PTK2: variants seen among roughly 807,000 people sequenced by gnomAD.
PTK2 encodes the protein protein tyrosine kinase 2, also known as focal adhesion kinase 1.
PTK2 carries 45 observed loss-of-function variants against 150.1 expected under a neutral mutation model. That is an observed-to-expected ratio of 0.30 (90% CI 0.24 to 0.38). PTK2 has a LOEUF of 0.38. Among genes scored for constraint, PTK2 ranks in the 10% least tolerant of loss-of-function variants. The pLI, the probability that PTK2 is intolerant of heterozygous loss-of-function variation, is 1.00. For missense variants in PTK2, 919 were observed against 1,307.3 expected (o/e 0.70, Z 4.58); for synonymous variants, 432 against 449.2 (o/e 0.96, Z 0.48).
At chr8:140,674,160 G>A (rs773954324) in intron 29 of PTK2, 138 bp downstream of exon 32, 1 of 867,630 alleles carries the variant, frequency 1.2e-6, no homozygotes, top group Admixed American at 1.7e-5. Flanking sequence ...ATTGACTCCT[G>A]GGTCTCACTG....
chr8:140,908,964 C>T (rs1324677292), intron 2 of PTK2: 3 of 152,188 alleles, frequency 2.0e-5, no homozygotes, highest in African/African-American at 7.2e-5. Context: ...GCCTGTAATC[C>T]CAGCACTCTG....
At chr8:140,914,000 T>C (rs2100164216) in intron 2 of PTK2, among the ~76,000 whole-genome samples, 1 of 151,942 alleles carries the variant, frequency 6.6e-6, no homozygotes, top group African/African-American at 2.4e-5. Flanking sequence ...AAAGAAAAAA[T>C]TTACTAATCA....
intron 26 of PTK2, 102 bp downstream of exon 29, chr8:140,700,789 T>G: frequency 2.1e-6 from 3 of 1,454,406 alleles, no homozygotes; most frequent in South Asian, 2.7e-5. Context: ...GTTGTAAAAC[T>G]AACTCTCCTG....
intron 3 of PTK2, among the ~76,000 whole-genome samples, chr8:140,886,434 C>G (rs141260113): frequency 6.6e-6 from 1 of 152,170 alleles, no homozygotes; most frequent in African/African-American, 2.4e-5. Context: ...TAGAATGTAA[C>G]CAATCACAGG....
At chr8:140,793,407 T>C (rs752370047) in intron 12 of PTK2, 23 bp from the exon 13 acceptor site, 4 of 1,608,200 alleles carry the variant, frequency 2.5e-6, no homozygotes, top group South Asian at 1.1e-5. Flanking sequence ...AGAAAAGAGA[T>C]GCATAAGGCT....
chr8:140,910,916 C>T (rs191633156), intron 2 of PTK2, among the ~76,000 whole-genome samples: 1 of 152,130 alleles, frequency 6.6e-6, no homozygotes, highest in Non-Finnish European at 1.5e-5. Flanking sequence ...CTTGCTCTGT[C>T]GCCCAGGCTG....
At position 140,987,101 on chromosome 8, in the gene PTK2, T is replaced by C. The variant is rs572550005; in HGVS notation, c.-122+14024A>G. 2.4e-3 allele frequency among the ~76,000 whole-genome samples: 360 copies of C among 152,260 alleles called. 3 individuals carry two copies. The highest frequency in any genetic ancestry group is 8.4e-3 in the African/African-American group (351 of 41,546). On this transcript the variant is annotated intron_variant, in intron 1 of 31. Coordinates refer to ENST00000522684, the Ensembl canonical transcript of PTK2. Reference sequence around the variant, plus strand: ...CCAGCCATAACCTGGGAGAAAAATATAGTATGTATCTGATAAACAATTTAT... The same window carrying C: ...CCAGCCATAACCTGGGAGAAAAATACAGTATGTATCTGATAAACAATTTAT...
At chr8:140,703,762 G>A (rs2100032112) in intron 24 of PTK2, among the ~76,000 whole-genome samples, 1 of 152,158 alleles carries the variant, frequency 6.6e-6, no homozygotes, top group African/African-American at 2.4e-5. Context: ...CAAGGCAGAG[G>A]GAAAATAAGA....
Position 140,695,203 on chromosome 8 carries a change from C to G in PTK2, c.2499+5688G>C, listed in dbSNP as rs758251937. ...GACACCAATGCTATGATTCCTGTCCCGGATTCTTCCTTCCTCTTGACCTCC... is the reference window on the plus strand; with the variant it reads ...GACACCAATGCTATGATTCCTGTCCGGGATTCTTCCTTCCTCTTGACCTCC... On this transcript the variant is annotated intron_variant, in intron 26 of 31. Coordinates refer to ENST00000522684, the Ensembl canonical transcript of PTK2. Among the ~76,000 whole-genome samples, 5 of 152,126 alleles carry G rather than the reference C, an allele frequency of 3.3e-5. No individual in the cohort carries two copies. In the East Asian group the frequency reaches 9.6e-4, roughly 29 times the overall value.
chr8:140,742,196 A>G (rs1026265021), intron 20 of PTK2, among the ~76,000 whole-genome samples: 2 of 152,228 alleles, frequency 1.3e-5, no homozygotes, highest in Non-Finnish European at 2.9e-5. Context: ...TGGAGTTAGC[A>G]GCCTGCATAT....
chr8:140,951,785 G>A (rs1157147018), intron 1 of PTK2, among the ~76,000 whole-genome samples: 1 of 151,942 alleles, frequency 6.6e-6, no homozygotes, highest in African/African-American at 2.4e-5. Context: ...TTGGGAGACT[G>A]AAATGGGCGC....
intron 23 of PTK2, among the ~76,000 whole-genome samples, chr8:140,713,260 T>C (rs1241010600): frequency 6.6e-6 from 1 of 152,176 alleles, no homozygotes; most frequent in Non-Finnish European, 1.5e-5. Flanking sequence ...AAAAGGCAAA[T>C]AACATCCTTT....
In PTK2 at chr8:140,744,848, A is replaced by G; in HGVS notation, c.1519-81T>C. ...TCGAAATCAAAAGCAAAAAAGCTAC[A>G]TTCAACAATAATGCTGTTTTCAATG... is the stretch of plus-strand genomic sequence containing the variant. On this transcript the variant is annotated intron_variant, in intron 18 of 31. Transcript: ENST00000522684. 5.6e-6 allele frequency: 4 copies of G among 713,434 alleles called. No homozygotes were observed. In the East Asian group the frequency reaches 7.6e-5, roughly 14 times the overall value. 44.2% of individuals were successfully genotyped at this position (713,434 alleles called of 1,614,324 possible).
chr8:140,815,067 C>A (rs1395731608), intron 10 of PTK2, among the ~76,000 whole-genome samples: 2 of 152,118 alleles, frequency 1.3e-5, no homozygotes, highest in Non-Finnish European at 2.9e-5. Context: ...AGCCACCGCG[C>A]CCGGCCAAAT....
intron 16 of PTK2, among the ~76,000 whole-genome samples, chr8:140,756,272 G>A (rs1268693003): frequency 2.0e-5 from 3 of 148,216 alleles, no homozygotes; most frequent in African/African-American, 7.5e-5. Context: ...GCAGTGATTG[G>A]AGATCACATC....
intron 26 of PTK2, among the ~76,000 whole-genome samples, chr8:140,698,455 T>C (rs191568420): frequency 9.9e-4 from 151 of 152,268 alleles, no homozygotes; most frequent in African/African-American, 3.5e-3. Flanking sequence ...AATAATAACA[T>C]ATTTTTTCTT....
intron 14 of PTK2, among the ~76,000 whole-genome samples, chr8:140,775,876 A>T (rs1032923796): frequency 1.8e-4 from 28 of 152,214 alleles, no homozygotes; most frequent in Non-Finnish European, 3.8e-4. Flanking sequence ...TCTGTCAGAG[A>T]AATTTACACC....
chr8:140,709,798 G>A (rs2100035798), intron 23 of PTK2, among the ~76,000 whole-genome samples: 1 of 152,124 alleles, frequency 6.6e-6, no homozygotes, highest in Admixed American at 6.5e-5. Flanking sequence ...AAGTTTTGCT[G>A]AAATTCTCCC....
At chr8:140,761,348 A>C (rs1056587372) in intron 15 of PTK2, 86 bp from the exon 19 acceptor site, 1 of 1,101,828 alleles carries the variant, frequency 9.1e-7, no homozygotes, top group Admixed American at 1.7e-5. Flanking sequence ...GATCATCCAT[A>C]AGTAAAATTT....
Sources: allele counts gnomAD v4.1 joint callset (sites outside exome capture counted in the v4.1 genomes callset), GRCh38; gene constraint gnomAD v4.1.1; transcripts MANE v1.5; gene names NCBI Gene and HGNC (gene_info 2026-07-23, HGNC 2026-07-21).